EPHA3: variants seen among roughly 807,000 people sequenced by gnomAD.
The protein encoded by EPHA3 is ephrin type-A receptor 3.
In EPHA3, 42 loss-of-function variants were observed where a neutral mutation model predicts 107.1. The observed-to-expected ratio is 0.39, with a 90% CI of 0.31 to 0.51. The LOEUF (loss-of-function observed/expected upper bound fraction) is 0.51. EPHA3 is among the 20% of genes least tolerant of loss of function. The pLI, the probability that EPHA3 is intolerant of heterozygous loss-of-function variation, is 0.78. For missense variants in EPHA3, 1,183 were observed against 1,211.2 expected (o/e 0.98, Z 0.35); for synonymous variants, 461 against 424.8 (o/e 1.09, Z -1.05).
At chr3:89,313,250 G>C (rs1706808982) in intron 3 of EPHA3, among the ~76,000 whole-genome samples, 1 of 151,870 alleles carries the variant, frequency 6.6e-6, no homozygotes, top group Non-Finnish European at 1.5e-5. Context: ...ATTTCTTACA[G>C]ATAGCATATA....
chr3:89,204,677 A>G (rs1396551077), intron 2 of EPHA3, among the ~76,000 whole-genome samples: 4 of 151,566 alleles, frequency 2.6e-5, no homozygotes, highest in Admixed American at 1.3e-4. Context: ...ACTACTTATG[A>G]ATAAATAGAA....
intron 5 of EPHA3, among the ~76,000 whole-genome samples, chr3:89,352,029 C>A (rs1239099840): frequency 6.7e-6 from 1 of 150,236 alleles, no homozygotes; most frequent in African/African-American, 2.4e-5. Flanking sequence ...CCATTCCATT[C>A]AAAAATGATC....
chr3:89,247,926 T>C (rs1490237567), intron 3 of EPHA3, among the ~76,000 whole-genome samples: 1 of 152,170 alleles, frequency 6.6e-6, no homozygotes, highest in African/African-American at 2.4e-5. Context: ...TGCAGATGCT[T>C]AAAAGAATTT....
At chr3:89,360,333 C>G (rs1708067296) in intron 5 of EPHA3, among the ~76,000 whole-genome samples, 1 of 150,844 alleles carries the variant, frequency 6.6e-6, no homozygotes, top group Non-Finnish European at 1.5e-5. Flanking sequence ...CCACATAACA[C>G]CTAAAATTCT....
At chr3:89,221,282 TC>T (rs1704368479) in intron 3 of EPHA3, among the ~76,000 whole-genome samples, 1 of 152,188 alleles carries the variant, frequency 6.6e-6, no homozygotes, top group Admixed American at 6.5e-5. Flanking sequence ...TACTTCTGAC[TC>T]CAAGGGTGGG....
Position 89,419,367 on chromosome 3 carries a change from G to T in EPHA3, c.2051G>T (p.Arg684Leu). The change falls in exon 11 of 17, where the codon CGA becomes CTA. Residue 684 changes from arginine (R) to leucine (L), a missense_variant. Coordinates refer to ENST00000336596, the MANE Select transcript of EPHA3 (RefSeq NM_005233.6). ...MGQFDHPNII[R>L]LEGVVTKSKP... ...CAGTTTGACCACCCCAATATCATTC[G>T]ACTGGAAGGAGTTGTTACCAAAAGT... 6.3e-7 allele frequency: 1 copy of T among 1,596,436 alleles called. No individual in the cohort carries two copies. The highest frequency in any genetic ancestry group is 1.1e-5 in the South Asian group (1 of 88,510).
rs187766281 is a variant in EPHA3, at chr3:89,336,697, A to G, written c.815-4219A>G. On this transcript the variant is annotated intron_variant, in intron 3 of 16. Transcript: ENST00000336596. ...CTACTCGTGAAATTGAAAAATTCCC[A>G]CTGCCCTTCCAACTAAAAGGACACT... Among the ~76,000 whole-genome samples, 518 of 152,196 alleles carry G rather than the reference A, an allele frequency of 3.4e-3. 2 individuals carry two copies. Among genetic ancestry groups the G allele is most frequent in the Middle Eastern group, 0.02 (6 of 294 alleles).
At chr3:89,142,354 T>C (rs1358617413) in intron 2 of EPHA3, among the ~76,000 whole-genome samples, 1 of 151,388 alleles carries the variant, frequency 6.6e-6, no homozygotes, top group African/African-American at 2.4e-5. Context: ...TATTGTTTAA[T>C]CTGTTACTAG....
chr3:89,363,889 G>A (rs1299636377), intron 5 of EPHA3, among the ~76,000 whole-genome samples: 1 of 150,566 alleles, frequency 6.6e-6, no homozygotes, highest in Non-Finnish European at 1.5e-5. Context: ...GGAAGACAAT[G>A]CCCAGTGCAT....
intron 3 of EPHA3, among the ~76,000 whole-genome samples, chr3:89,236,746 A>G (rs1248203178): frequency 6.6e-6 from 1 of 152,192 alleles, no homozygotes; most frequent in Non-Finnish European, 1.5e-5. Context: ...AAAAAAGAGT[A>G]AGTCCTTAAA....
At chr3:89,217,985 T>C (rs1246062277) in intron 3 of EPHA3, among the ~76,000 whole-genome samples, 1 of 152,192 alleles carries the variant, frequency 6.6e-6, no homozygotes, top group Non-Finnish European at 1.5e-5. Context: ...TAGATTCATT[T>C]ACTGTTTATC....
At chr3:89,191,615 A>C (rs1302595890) in intron 2 of EPHA3, among the ~76,000 whole-genome samples, 1 of 152,202 alleles carries the variant, frequency 6.6e-6, no homozygotes, top group Non-Finnish European at 1.5e-5. Context: ...TATATCTTGT[A>C]ACAATATTTA....
At chr3:89,262,035 T>C (rs1705429660) in intron 3 of EPHA3, among the ~76,000 whole-genome samples, 1 of 152,002 alleles carries the variant, frequency 6.6e-6, no homozygotes, top group Non-Finnish European at 1.5e-5. Flanking sequence ...ACACAAAATA[T>C]GCAATAGTTT....
intron 3 of EPHA3, among the ~76,000 whole-genome samples, chr3:89,226,071 A>G (rs1222552493): frequency 6.6e-6 from 1 of 152,128 alleles, no homozygotes; most frequent in African/African-American, 2.4e-5. Context: ...GTTATATAAT[A>G]TATTTTATAT....
At chr3:89,456,832 C>G (rs1268657491) in intron 15 of EPHA3, among the ~76,000 whole-genome samples, 1 of 152,132 alleles carries the variant, frequency 6.6e-6, no homozygotes, top group Non-Finnish European at 1.5e-5. Flanking sequence ...GATAGTACAT[C>G]AGTACAAGGC....
chr3:89,264,574 T>G (rs1464286253), intron 3 of EPHA3, among the ~76,000 whole-genome samples: 2 of 152,148 alleles, frequency 1.3e-5, no homozygotes. Context: ...AAACGTTCAT[T>G]CTTATCTTTG....
At chr3:89,211,024 A>T (rs2107184612) in intron 3 of EPHA3, among the ~76,000 whole-genome samples, 1 of 152,196 alleles carries the variant, frequency 6.6e-6, no homozygotes, top group South Asian at 2.1e-4. Context: ...TACTTACAAG[A>T]GATTAGTGCT....
At chr3:89,400,325 C>T (rs561478095) in intron 7 of EPHA3, 2 of 161,716 alleles carry the variant, frequency 1.2e-5, no homozygotes, top group East Asian at 3.3e-4. Flanking sequence ...CCCTCAGCCT[C>T]CCGAGTAGCT....
chr3:89,372,093 T>A (rs1016386595), intron 5 of EPHA3, among the ~76,000 whole-genome samples: 6 of 151,686 alleles, frequency 4.0e-5, no homozygotes, highest in African/African-American at 1.5e-4. Context: ...TAACTGATCA[T>A]CAATCTGGTC....
Sources: allele counts gnomAD v4.1 joint callset (sites outside exome capture counted in the v4.1 genomes callset), GRCh38; gene constraint gnomAD v4.1.1; transcripts MANE v1.5; gene names NCBI Gene and HGNC (gene_info 2026-07-23, HGNC 2026-07-21).